SLC29A4: variants seen among roughly 807,000 people sequenced by gnomAD.
SLC29A4 encodes the protein solute carrier family 29 member 4.
Under a neutral mutation model 43.9 loss-of-function variants are expected in SLC29A4, and 36 were observed. That is an observed-to-expected ratio of 0.82 (90% CI 0.63 to 1.08). SLC29A4 has a LOEUF of 1.08. Ranked by LOEUF, SLC29A4 falls within the 50% of genes least tolerant of loss-of-function variation. The pLI is 0.00. For synonymous variants in SLC29A4, 491 were observed against 338.0 expected, an observed-to-expected ratio of 1.45 and a Z score of -4.97; for missense variants, 869 against 755.3, an observed-to-expected ratio of 1.15 and a Z score of -1.77.
Position 5,306,851 on chromosome 7 carries a change from C to T in SLC29A4, c.*3912C>T, listed in dbSNP as rs574626806. On this transcript the variant is annotated 3_prime_UTR_variant, in exon 11 of 11. Coordinates refer to ENST00000396872, the MANE Select transcript of SLC29A4 (RefSeq NM_153247.4). ...TGAAAAAAGATCACACAGAATTTGC[C>T]AACAAACAAAATTCCAAAAGAAACA... 6.7e-6 allele frequency: 1 copy of T among 149,454 alleles called. No homozygotes were observed. The highest frequency in any genetic ancestry group is 2.1e-4 in the South Asian group (1 of 4,704). The allele number at this position is 149,454 out of a possible 1,614,324, so 9.3% of individuals were successfully genotyped here. A position where few individuals can be genotyped will look rare whatever the true frequency, so the allele number is the denominator to read the frequency against.
In SLC29A4 at chr7:5,300,527, G is replaced by T. The variant is rs765457762; in HGVS notation, c.1315G>T (p.Gly439Cys). The change falls in exon 10 of 11, where the codon GGC (glycine) becomes TGC (cysteine). Residue 439 changes from glycine (G) to cysteine (C), a missense_variant. Transcript: ENST00000396872. ...PLFILCVYPS[G>C]MPALRHPAWP... ...CTTCATCCTGTGCGTCTACCCCAGCGGCATGCCCGCCCTCCGTCACCCCGC... is the reference window on the plus strand; with the variant it reads ...CTTCATCCTGTGCGTCTACCCCAGCTGCATGCCCGCCCTCCGTCACCCCGC... 1.9e-6 allele frequency: 3 copies of T among 1,612,238 alleles called. No individual in the cohort carries two copies. Among genetic ancestry groups the T allele is most frequent in the East Asian group, 2.2e-5 (1 of 44,876 alleles).
chr7:5,291,558 C>T (rs1233668840), intron 4 of SLC29A4, 135 bp from the exon 5 acceptor site: 6 of 1,240,158 alleles, frequency 4.8e-6, no homozygotes, highest in East Asian at 2.4e-5. Context: ...CTGTTAGACT[C>T]GTAAAGCATC....
intron 1 of SLC29A4, among the ~76,000 whole-genome samples, chr7:5,285,356 C>T (rs939196484): frequency 4.0e-5 from 6 of 149,984 alleles, no homozygotes; most frequent in African/African-American, 1.5e-4. Flanking sequence ...GAAGGGGAGA[C>T]ACGCTGGGCT....
intron 2 of SLC29A4, 112 bp downstream of exon 2, chr7:5,288,097 G>C: frequency 7.4e-7 from 1 of 1,350,038 alleles, no homozygotes; most frequent in Non-Finnish European, 9.9e-7. Flanking sequence ...TGGAGGACTG[G>C]AGGCAGTGCC....
At chr7:5,285,503 C>G (rs1219376637) in intron 1 of SLC29A4, among the ~76,000 whole-genome samples, 3 of 152,226 alleles carry the variant, frequency 2.0e-5, no homozygotes, top group Non-Finnish European at 2.9e-5. Context: ...CTTCAAAGCC[C>G]CAGTGAGGCC....
chr7:5,302,697 G>GA, intron 10 of SLC29A4, 100 bp from the exon 11 acceptor site: 1 of 1,229,544 alleles, frequency 8.1e-7, no homozygotes, highest in Non-Finnish European at 1.1e-6. Flanking sequence ...TGGAGGGGCG[G>GA]CACGGTTCAG....
At chr7:5,288,126 C>A (rs978081604) in intron 2 of SLC29A4, 141 bp downstream of exon 2, 1 of 1,133,684 alleles carries the variant, frequency 8.8e-7, no homozygotes, top group East Asian at 2.7e-5. Flanking sequence ...TGGATTAGAT[C>A]TGCTGCATAA....
intron 7 of SLC29A4, among the ~76,000 whole-genome samples, chr7:5,298,663 G>A (rs997857332): frequency 3.9e-5 from 6 of 152,146 alleles, no homozygotes; most frequent in African/African-American, 1.2e-4. Context: ...TGGCCTGGGT[G>A]ATGGCGCATG....
At chr7:5,293,970 G>C (rs1054675236) in intron 5 of SLC29A4, among the ~76,000 whole-genome samples, 1 of 152,092 alleles carries the variant, frequency 6.6e-6, no homozygotes, top group Non-Finnish European at 1.5e-5. Flanking sequence ...GCCGGGTGTG[G>C]TGGTGTGTGC....
chr7:5,296,887 G>T (rs1448735491), intron 6 of SLC29A4, 49 bp from the exon 7 acceptor site: 1 of 1,425,914 alleles, frequency 7.0e-7, no homozygotes, highest in Non-Finnish European at 9.4e-7. Flanking sequence ...ACGGGGCGGT[G>T]CAGGGAGCTG....
intron 5 of SLC29A4, among the ~76,000 whole-genome samples, chr7:5,293,161 T>C (rs1318331342): frequency 2.1e-5 from 3 of 142,122 alleles, no homozygotes; most frequent in Non-Finnish European, 4.5e-5. Flanking sequence ...CTTTTTTTTC[T>C]CTTTTTTTTT....
At chr7:5,287,179 A>T (rs1010015068) in intron 1 of SLC29A4, among the ~76,000 whole-genome samples, 4 of 152,276 alleles carry the variant, frequency 2.6e-5, no homozygotes, top group African/African-American at 9.6e-5. Flanking sequence ...TAACCCCCGC[A>T]CTTTGGGAGG....
In SLC29A4 at chr7:5,303,128, G is replaced by A. The variant is rs893573388; in HGVS notation, c.*189G>A. Reference sequence around the variant, plus strand: ...AGTTCTGCAAAGTCCTCCGAGGACCGGAACACGTTTCTGCGACCCGGGGCT... The same window carrying A: ...AGTTCTGCAAAGTCCTCCGAGGACCAGAACACGTTTCTGCGACCCGGGGCT... On this transcript the variant is annotated 3_prime_UTR_variant, in exon 11 of 11. Coordinates refer to ENST00000396872, the MANE Select transcript of SLC29A4 (RefSeq NM_153247.4). 8.4e-5 allele frequency: 58 copies of A among 691,774 alleles called. No homozygotes were observed. The highest frequency in any genetic ancestry group is 1.1e-4 in the Non-Finnish European group (46 of 421,452). The allele number at this position is 691,774 out of a possible 1,614,324, so 42.9% of individuals were successfully genotyped here.
At position 5,290,866 on chromosome 7, in the gene SLC29A4, G is replaced by A; in HGVS notation, c.301+3G>A. On this transcript the variant is annotated splice_donor_region_variant and intron_variant, in intron 3 of 10. Transcript: ENST00000396872. ...CTACCTGCATCACAAGTACCCAGGT[G>A]GGTCCCTCCACGGTCACGCCCAGCC... 2 of 1,609,402 alleles carry A rather than the reference G, an allele frequency of 1.2e-6. No homozygotes were observed. Among genetic ancestry groups the A allele is most frequent in the East Asian group, 2.2e-5 (1 of 44,788 alleles).
chr7:5,297,217 C>A lies in SLC29A4; in HGVS notation c.882+19C>A, dbSNP rs1785761153. On this transcript the variant is annotated intron_variant, in intron 7 of 10. Coordinates refer to ENST00000396872, the MANE Select transcript of SLC29A4 (RefSeq NM_153247.4). ...CCACTTCGTAAGTGCGCACCGCCCACCTCTGTTCCCTTCTCTGTCCCCTTC... is the reference window on the plus strand; with the variant it reads ...CCACTTCGTAAGTGCGCACCGCCCAACTCTGTTCCCTTCTCTGTCCCCTTC... The A allele has an allele frequency of 1.3e-6, 2 of 1,547,638 alleles. No individual in the cohort carries two copies. The highest frequency in any genetic ancestry group is 1.9e-5 in the Admixed American group (1 of 53,926).
In SLC29A4 at chr7:5,302,970, G is replaced by A. The variant is rs1392053629; in HGVS notation, c.*31G>A. 1 of 1,593,390 alleles carries A rather than the reference G, an allele frequency of 6.3e-7. No individual in the cohort carries two copies. The highest frequency in any genetic ancestry group is 8.5e-7 in the Non-Finnish European group (1 of 1,171,944). The stretch of plus-strand genomic sequence containing the variant: ...CCCCGCCCACTGCCAGGGACGCCGA[G>A]GGCCTGACCAGGGGCCCCGAGGCCT... On this transcript the variant is annotated 3_prime_UTR_variant, in exon 11 of 11. Transcript: ENST00000396872.
intron 5 of SLC29A4, among the ~76,000 whole-genome samples, chr7:5,293,111 T>C (rs1445164774): frequency 6.6e-6 from 1 of 151,584 alleles, no homozygotes; most frequent in Non-Finnish European, 1.5e-5. Flanking sequence ...TTCATGGTAG[T>C]GACATTTTGC....
At chr7:5,294,395 T>C (rs967670721) in intron 5 of SLC29A4, among the ~76,000 whole-genome samples, 11 of 152,154 alleles carry the variant, frequency 7.2e-5, no homozygotes, top group African/African-American at 2.4e-4. Flanking sequence ...GGGTTATTGC[T>C]GTATAACAAA....
At chr7:5,298,334 C>T (rs1361259633) in intron 7 of SLC29A4, among the ~76,000 whole-genome samples, 2 of 152,064 alleles carry the variant, frequency 1.3e-5, no homozygotes, top group African/African-American at 2.4e-5. Flanking sequence ...CGTGTTGGGG[C>T]AGAGGGAAAA....
Sources: allele counts gnomAD v4.1 joint callset (sites outside exome capture counted in the v4.1 genomes callset), GRCh38; gene constraint gnomAD v4.1.1; transcripts MANE v1.5; gene names NCBI Gene and HGNC (gene_info 2026-07-23, HGNC 2026-07-21).